GALNTL6: variants seen among roughly 807,000 people sequenced by gnomAD.
The protein encoded by GALNTL6 is polypeptide N-acetylgalactosaminyltransferase-like 6.
In GALNTL6, 46 loss-of-function variants were observed where a neutral mutation model predicts 73.7. The ratio of observed to expected loss-of-function variants is 0.62; its 90% confidence interval spans 0.49 to 0.80. The LOEUF (loss-of-function observed/expected upper bound fraction) is 0.80. Among genes scored for constraint, GALNTL6 ranks in the 30% least tolerant of loss-of-function variants. The pLI is 0.00. For synonymous variants in GALNTL6, 259 were observed against 263.7 expected (o/e 0.98, Z 0.17); for missense variants, 604 against 755.0 (o/e 0.80, Z 2.34).
At chr4:172,056,079 A>G (rs1731011203) in intron 2 of GALNTL6, among the ~76,000 whole-genome samples, 1 of 152,202 alleles carries the variant, frequency 6.6e-6, no homozygotes, top group South Asian at 2.1e-4. Context: ...GAAGATACCT[A>G]TAAACAAAAT....
intron 2 of GALNTL6, among the ~76,000 whole-genome samples, chr4:171,920,398 A>G (rs1212569922): frequency 6.6e-6 from 1 of 152,140 alleles, no homozygotes; most frequent in Non-Finnish European, 1.5e-5. Flanking sequence ...AAAAAGAAAA[A>G]GAAAAAGAAA....
At chr4:172,632,472 G>T (rs527541938) in intron 5 of GALNTL6, among the ~76,000 whole-genome samples, 1 of 152,210 alleles carries the variant, frequency 6.6e-6, no homozygotes, top group African/African-American at 2.4e-5. Context: ...AAAAAGACTG[G>T]TGATATTTTG....
intron 4 of GALNTL6, among the ~76,000 whole-genome samples, chr4:172,336,116 C>T (rs1741306618): frequency 1.3e-5 from 2 of 151,954 alleles, no homozygotes; most frequent in South Asian, 4.2e-4. Flanking sequence ...ACTGATTTTG[C>T]TGCATTTCAG....
At chr4:172,933,478 A>G (rs1444907221) in intron 9 of GALNTL6, among the ~76,000 whole-genome samples, 4 of 152,182 alleles carry the variant, frequency 2.6e-5, no homozygotes, top group South Asian at 4.1e-4. Context: ...GAAAAAGTGA[A>G]TATTTATTCA....
intron 5 of GALNTL6, among the ~76,000 whole-genome samples, chr4:172,588,400 C>T (rs568814807): frequency 6.6e-6 from 1 of 152,116 alleles, no homozygotes; most frequent in South Asian, 2.1e-4. Context: ...TCGAGACCAG[C>T]TTGGCCAACA....
At chr4:172,379,523 C>G (rs555484464) in intron 5 of GALNTL6, among the ~76,000 whole-genome samples, 2 of 104,826 alleles carry the variant, frequency 1.9e-5, no homozygotes, top group South Asian at 3.4e-4. Context: ...GGCGACAGAG[C>G]GAGACTCCGT....
intron 5 of GALNTL6, among the ~76,000 whole-genome samples, chr4:172,422,023 A>G (rs1027602076): frequency 1.3e-5 from 2 of 152,098 alleles, no homozygotes; most frequent in African/African-American, 4.8e-5. Context: ...TCAATTTCTA[A>G]TGAAGACCAA....
At chr4:172,060,180 A>G (rs1375250867) in intron 2 of GALNTL6, among the ~76,000 whole-genome samples, 1 of 152,224 alleles carries the variant, frequency 6.6e-6, no homozygotes, top group Non-Finnish European at 1.5e-5. Flanking sequence ...AATTACCAAA[A>G]CATGGAAAAG....
chr4:172,947,476 A>G (rs1345116235), intron 9 of GALNTL6, among the ~76,000 whole-genome samples: 2 of 152,224 alleles, frequency 1.3e-5, no homozygotes, highest in African/African-American at 4.8e-5. Flanking sequence ...CTGGCTCTGT[A>G]TATAAGGCAA....
chr4:172,520,164 T>A (rs1734731615), intron 5 of GALNTL6, among the ~76,000 whole-genome samples: 1 of 151,938 alleles, frequency 6.6e-6, no homozygotes, highest in African/African-American at 2.4e-5. Context: ...TTATTCTTAT[T>A]TTAAGGAACC....
At chr4:172,042,971 T>C (rs919770930) in intron 2 of GALNTL6, among the ~76,000 whole-genome samples, 1 of 148,342 alleles carries the variant, frequency 6.7e-6, no homozygotes, top group African/African-American at 2.5e-5. Context: ...TGTTACAGAC[T>C]CTCCAAAATC....
intron 10 of GALNTL6, among the ~76,000 whole-genome samples, chr4:173,000,067 A>G (rs1751977661): frequency 6.6e-6 from 1 of 152,154 alleles, no homozygotes; most frequent in Non-Finnish European, 1.5e-5. Flanking sequence ...TACTACTGCT[A>G]CTACTACTAT....
At chr4:172,649,914 A>G (rs2111147412) in intron 5 of GALNTL6, among the ~76,000 whole-genome samples, 1 of 152,298 alleles carries the variant, frequency 6.6e-6, no homozygotes, top group Non-Finnish European at 1.5e-5. Flanking sequence ...AGTACAAAGC[A>G]CTCAAACATA....
chr4:172,085,575 A>T (rs927230774), intron 2 of GALNTL6, among the ~76,000 whole-genome samples: 2 of 152,094 alleles, frequency 1.3e-5, no homozygotes, highest in Admixed American at 6.6e-5. Context: ...ACAAAATTAT[A>T]CATTAAGCAT....
chr4:172,882,536 T>G (rs1745510785), intron 7 of GALNTL6, among the ~76,000 whole-genome samples: 1 of 152,234 alleles, frequency 6.6e-6, no homozygotes, highest in African/African-American at 2.4e-5. Context: ...AATGTGACTC[T>G]GCAGGGCAAT....
At chr4:172,355,830 T>G (rs1742134064) in intron 5 of GALNTL6, among the ~76,000 whole-genome samples, 1 of 152,166 alleles carries the variant, frequency 6.6e-6, no homozygotes, top group South Asian at 2.1e-4. Context: ...CAAACATTAG[T>G]TTGTAGTATA....
intron 2 of GALNTL6, among the ~76,000 whole-genome samples, chr4:171,867,799 T>C (rs1736010286): frequency 6.6e-6 from 1 of 152,198 alleles, no homozygotes; most frequent in African/African-American, 2.4e-5. Context: ...TTCTGTATGA[T>C]CTTGGCTCTG....
intron 2 of GALNTL6, among the ~76,000 whole-genome samples, chr4:172,176,277 C>T (rs1734992280): frequency 7.3e-6 from 1 of 136,336 alleles, no homozygotes; most frequent in Non-Finnish European, 1.5e-5. Flanking sequence ...GAGGCGGAGC[C>T]TGCAGTGAGC....
At chr4:172,413,441 C>T (rs1561071849) in intron 5 of GALNTL6, among the ~76,000 whole-genome samples, 1 of 152,126 alleles carries the variant, frequency 6.6e-6, no homozygotes. Flanking sequence ...AGCAATTGTT[C>T]ATAAGCATAT....
Sources: allele counts gnomAD v4.1 joint callset (sites outside exome capture counted in the v4.1 genomes callset), GRCh38; gene constraint gnomAD v4.1.1; transcripts MANE v1.5; gene names NCBI Gene and HGNC (gene_info 2026-07-23, HGNC 2026-07-21).